Variants in NEGR1 observed in about 807,000 individuals in gnomAD.
NEGR1 encodes the protein IgLON family member 4.
Under a neutral mutation model 40.9 loss-of-function variants are expected in NEGR1, and 10 were observed. That is an observed-to-expected ratio of 0.24 (90% CI 0.15 to 0.42). The LOEUF (loss-of-function observed/expected upper bound fraction) is 0.42, where lower values mean the gene tolerates loss of function less well. NEGR1 is among the 10% of genes least tolerant of loss of function. The probability of loss-of-function intolerance (pLI) is 1.00; values close to 1 mark genes in which losing one functional copy is unlikely to be tolerated. For missense variants in NEGR1, 352 were observed against 438.9 expected (o/e 0.80, Z 1.77); for synonymous variants, 185 against 166.8 (o/e 1.11, Z -0.84).
chr1:71,944,982 T>A (rs967817), intron 1 of NEGR1, among the ~76,000 whole-genome samples: 5,554 of 152,186 alleles, frequency 0.036, 344 homozygotes, highest in African/African-American at 0.13. Context: ...AAGAAAAAAA[T>A]TAATGTTTTT....
At chr1:71,906,508 T>C (rs1661281134) in intron 2 of NEGR1, among the ~76,000 whole-genome samples, 1 of 151,670 alleles carries the variant, frequency 6.6e-6, no homozygotes, top group Non-Finnish European at 1.5e-5. Flanking sequence ...GATCTGAATC[T>C]CCTTCTGGTC....
intron 6 of NEGR1, among the ~76,000 whole-genome samples, chr1:71,560,185 G>T (rs532023401): frequency 6.6e-6 from 1 of 151,266 alleles, no homozygotes; most frequent in East Asian, 2.0e-4. Context: ...GATCCTGAGA[G>T]ATATTAAAGA....
intron 4 of NEGR1, among the ~76,000 whole-genome samples, chr1:71,659,683 C>T (rs763148982): frequency 1.1e-3 from 167 of 152,142 alleles, no homozygotes; most frequent in Non-Finnish European, 2.0e-3. Context: ...ACAGATACTT[C>T]TTGAAAGAAG....
intron 6 of NEGR1, among the ~76,000 whole-genome samples, chr1:71,511,265 AC>A (rs1647070904): frequency 6.6e-6 from 1 of 152,246 alleles, no homozygotes; most frequent in Admixed American, 6.5e-5. Context: ...CCTGAATTAA[AC>A]ATGTTATGAT....
intron 6 of NEGR1, among the ~76,000 whole-genome samples, chr1:71,429,415 G>A (rs1443776288): frequency 6.6e-6 from 1 of 152,166 alleles, no homozygotes. Flanking sequence ...GGTGGGGGTT[G>A]CACAGTAAAA....
intron 1 of NEGR1, among the ~76,000 whole-genome samples, chr1:72,049,765 A>G (rs1029644618): frequency 2.0e-5 from 3 of 151,624 alleles, no homozygotes; most frequent in Non-Finnish European, 3.0e-5. Flanking sequence ...TTGTATCCCA[A>G]TTTTTGGCAT....
intron 2 of NEGR1, among the ~76,000 whole-genome samples, chr1:71,886,919 T>C (rs1271896991): frequency 6.6e-6 from 1 of 152,110 alleles, no homozygotes; most frequent in Non-Finnish European, 1.5e-5. Context: ...CAAAATATAA[T>C]TGACCCTTGA....
chr1:71,550,829 A>G (rs1431941690), intron 6 of NEGR1, among the ~76,000 whole-genome samples: 5 of 151,618 alleles, frequency 3.3e-5, no homozygotes, highest in African/African-American at 1.2e-4. Flanking sequence ...GTTTCTTTCT[A>G]CAACACTGAA....
At chr1:71,861,397 G>T (rs556884466) in intron 2 of NEGR1, among the ~76,000 whole-genome samples, 5 of 151,934 alleles carry the variant, frequency 3.3e-5, no homozygotes, top group Non-Finnish European at 7.4e-5. Context: ...TTTTCCCTAG[G>T]GGTAGTTTTG....
intron 2 of NEGR1, among the ~76,000 whole-genome samples, chr1:71,776,580 T>C (rs1656518408): frequency 6.6e-6 from 1 of 152,182 alleles, no homozygotes; most frequent in East Asian, 1.9e-4. Flanking sequence ...TTATGAGTAA[T>C]TTGTGTTAAG....
intron 1 of NEGR1, among the ~76,000 whole-genome samples, chr1:72,124,832 A>G (rs796689321): frequency 1.7e-4 from 26 of 152,118 alleles, no homozygotes; most frequent in African/African-American, 5.8e-4. Flanking sequence ...CATTAAAAAT[A>G]TTGGTAAAAT....
At chr1:71,899,664 A>G (rs1197016256) in intron 2 of NEGR1, among the ~76,000 whole-genome samples, 1 of 152,210 alleles carries the variant, frequency 6.6e-6, no homozygotes, top group Non-Finnish European at 1.5e-5. Flanking sequence ...TAATTTGTAC[A>G]AACATTTTTT....
intron 1 of NEGR1, among the ~76,000 whole-genome samples, chr1:72,219,248 A>C (rs1485812783): frequency 1.3e-5 from 2 of 152,080 alleles, no homozygotes; most frequent in African/African-American, 4.8e-5. Flanking sequence ...AAAGCAAATA[A>C]AATATATCTA....
At chr1:71,908,403 G>T (rs989840309) in intron 2 of NEGR1, among the ~76,000 whole-genome samples, 1 of 151,934 alleles carries the variant, frequency 6.6e-6, no homozygotes, top group Non-Finnish European at 1.5e-5. Context: ...TCTAACAAAT[G>T]TTCTGTCATT....
At chr1:71,610,575 C>A (rs746552263) in intron 5 of NEGR1, among the ~76,000 whole-genome samples, 1 of 152,116 alleles carries the variant, frequency 6.6e-6, no homozygotes, top group African/African-American at 2.4e-5. Context: ...ACATAGTGTT[C>A]TGTAAAACAA....
At chr1:72,157,265 C>T (rs79171116) in intron 1 of NEGR1, among the ~76,000 whole-genome samples, 3,781 of 152,226 alleles carry the variant, frequency 0.025, 175 homozygotes, top group African/African-American at 0.086. Flanking sequence ...GCCACCATGT[C>T]CAGCCCTGTT....
intron 6 of NEGR1, among the ~76,000 whole-genome samples, chr1:71,447,253 T>C (rs916364707): frequency 3.9e-5 from 6 of 151,940 alleles, no homozygotes; most frequent in Non-Finnish European, 5.9e-5. Context: ...CTTGGAAAAA[T>C]TGTAAAAATT....
intron 6 of NEGR1, among the ~76,000 whole-genome samples, chr1:71,560,429 T>TTATATATA (rs58813234): frequency 0.012 from 1,322 of 114,124 alleles, 49 homozygotes; most frequent in African/African-American, 0.027. Flanking sequence ...TAATTCTCCA[T>TTATATATA]TATATATATA....
intron 6 of NEGR1, among the ~76,000 whole-genome samples, chr1:71,438,467 A>AGATGT (rs780856477): frequency 6.6e-6 from 1 of 152,188 alleles, no homozygotes; most frequent in Admixed American, 6.5e-5. Flanking sequence ...AACAAACATA[A>AGATGT]TTGCCTTCTC....
Sources: allele counts gnomAD v4.1 joint callset (sites outside exome capture counted in the v4.1 genomes callset), GRCh38; gene constraint gnomAD v4.1.1; transcripts MANE v1.5; gene names NCBI Gene and HGNC (gene_info 2026-07-23, HGNC 2026-07-21).